The following MYO1E variants were observed in gnomAD, a reference collection of about 807,000 sequenced individuals.
MYO1E encodes myosin IE.
Under a neutral mutation model 151.1 loss-of-function variants are expected in MYO1E, and 68 were observed. The ratio of observed to expected loss-of-function variants is 0.45; its 90% CI spans 0.37 to 0.55. MYO1E has a LOEUF of 0.55. MYO1E is among the 20% of genes least tolerant of loss of function. MYO1E has a pLI of 0.00. For synonymous variants in MYO1E, 601 were observed against 501.7 expected (o/e 1.20, Z -2.64); for missense variants, 1,363 against 1,389.3 (o/e 0.98, Z 0.30).
intron 1 of MYO1E, among the ~76,000 whole-genome samples, chr15:59,298,161 G>A (rs1313380560): frequency 3.3e-5 from 5 of 152,224 alleles, no homozygotes; most frequent in South Asian, 2.1e-4. Flanking sequence ...GATACTTTGC[G>A]ACTATGTAAA....
At chr15:59,244,658 G>T (rs1485935563) in intron 4 of MYO1E, among the ~76,000 whole-genome samples, 1 of 152,174 alleles carries the variant, frequency 6.6e-6, no homozygotes, top group Non-Finnish European at 1.5e-5. Context: ...TGTATCGGAG[G>T]CGGGCAGCTC....
chr15:59,370,163 C>A (rs1474399243), intron 1 of MYO1E, among the ~76,000 whole-genome samples: 6 of 152,190 alleles, frequency 3.9e-5, no homozygotes, highest in Non-Finnish European at 8.8e-5. Context: ...CAGCCACACC[C>A]AAAGAAGGTA....
At chr15:59,165,807 G>T (rs1175340666) in intron 22 of MYO1E, among the ~76,000 whole-genome samples, 1 of 152,244 alleles carries the variant, frequency 6.6e-6, no homozygotes, top group Non-Finnish European at 1.5e-5. Context: ...TAGGTAGAGT[G>T]CATGCAAAAG....
intron 10 of MYO1E, 73 bp from the exon 11 acceptor site, chr15:59,214,793 G>C: frequency 8.4e-7 from 1 of 1,190,940 alleles, no homozygotes; most frequent in South Asian, 1.2e-5. Context: ...CTGGGGAAAG[G>C]GAAGCTGGAT....
intron 22 of MYO1E, among the ~76,000 whole-genome samples, chr15:59,167,598 T>C (rs1162721759): frequency 2.0e-5 from 3 of 152,190 alleles, no homozygotes; most frequent in African/African-American, 4.8e-5. Flanking sequence ...AACTCTGTAT[T>C]GGTGTGTCAC....
intron 22 of MYO1E, chr15:59,171,186 T>C (rs1426311592): frequency 6.4e-6 from 1 of 156,218 alleles, no homozygotes; most frequent in Non-Finnish European, 1.5e-5. Flanking sequence ...GGAGGACTCC[T>C]AGTCTGGGAG....
At chr15:59,155,008 T>G (rs755377364) in intron 25 of MYO1E, among the ~76,000 whole-genome samples, 37 of 152,294 alleles carry the variant, frequency 2.4e-4, no homozygotes, top group Non-Finnish European at 4.6e-4. Flanking sequence ...TCATCTTACC[T>G]CATTCCCTCA....
intron 1 of MYO1E, among the ~76,000 whole-genome samples, chr15:59,334,885 C>T (rs2080719167): frequency 6.6e-6 from 1 of 152,150 alleles, no homozygotes; most frequent in South Asian, 2.1e-4. Flanking sequence ...CATTTTGCTC[C>T]ATCCACTTAG....
intron 1 of MYO1E, among the ~76,000 whole-genome samples, chr15:59,364,669 G>A (rs895088689): frequency 6.6e-6 from 1 of 152,174 alleles, no homozygotes; most frequent in Admixed American, 6.5e-5. Flanking sequence ...AGCACTTTGG[G>A]AGGTCAAGGT....
At chr15:59,142,164 C>T (rs1350900569) in intron 26 of MYO1E, among the ~76,000 whole-genome samples, 1 of 152,072 alleles carries the variant, frequency 6.6e-6, no homozygotes, top group Non-Finnish European at 1.5e-5. Context: ...GGCATCTATC[C>T]ATATTTTTTC....
chr15:59,158,138 G>A, intron 25 of MYO1E, 149 bp downstream of exon 25: 1 of 738,852 alleles, frequency 1.4e-6, no homozygotes, highest in Non-Finnish European at 2.4e-6. Flanking sequence ...TCTCAAGTAG[G>A]GCTGCTGTGT....
chr15:59,335,096 C>T (rs969065106), intron 1 of MYO1E, among the ~76,000 whole-genome samples: 1 of 152,114 alleles, frequency 6.6e-6, no homozygotes, highest in African/African-American at 2.4e-5. Context: ...TGGGTCAAAC[C>T]GTGAAAGAGA....
chr15:59,352,800 G>T (rs183071116), intron 1 of MYO1E, among the ~76,000 whole-genome samples: 3 of 152,232 alleles, frequency 2.0e-5, no homozygotes, highest in Admixed American at 2.0e-4. Flanking sequence ...AGGCTCTAAG[G>T]TCTGCAGAAG....
chr15:59,224,373 C>G (rs1270888129), intron 8 of MYO1E, among the ~76,000 whole-genome samples: 3 of 152,178 alleles, frequency 2.0e-5, no homozygotes, highest in Admixed American at 6.5e-5. Context: ...GGAAATAGCT[C>G]ACGAATAGAG....
chr15:59,318,046 A>G (rs950232572), intron 1 of MYO1E, among the ~76,000 whole-genome samples: 3 of 152,210 alleles, frequency 2.0e-5, no homozygotes, highest in South Asian at 2.1e-4. Flanking sequence ...AGATCTGCCT[A>G]AACAGTAAAT....
rs1219992234 is a variant in MYO1E at position 59,372,488 on chromosome 15, G to C, written c.3+10C>G. The C allele has an allele frequency of 4.5e-6, 7 of 1,538,914 alleles. No individual in the cohort carries two copies. The highest frequency in any genetic ancestry group is 6.1e-6 in the Non-Finnish European group (7 of 1,145,078). On this transcript the variant is annotated intron_variant, in intron 1 of 27. Coordinates refer to ENST00000288235, the MANE Select transcript of MYO1E (RefSeq NM_004998.4). Reference sequence around the variant, plus strand: ...GTCCGGCGTCCTAGGACGCGGCGCGGCCAACTCACCATGGTGACTCGCGCC... The same window carrying C: ...GTCCGGCGTCCTAGGACGCGGCGCGCCCAACTCACCATGGTGACTCGCGCC...
intron 4 of MYO1E, among the ~76,000 whole-genome samples, chr15:59,239,540 A>C (rs1596380380): frequency 6.6e-6 from 1 of 152,222 alleles, no homozygotes; most frequent in South Asian, 2.1e-4. Context: ...TAATCCCAGT[A>C]ATCCTCCCAC....
intron 1 of MYO1E, among the ~76,000 whole-genome samples, chr15:59,295,167 A>T (rs750492180): frequency 1.3e-5 from 2 of 152,098 alleles, no homozygotes; most frequent in Non-Finnish European, 2.9e-5. Context: ...AAAATCACTA[A>T]AAGTTGAGTC....
At chr15:59,282,880 A>G (rs1316174036) in intron 1 of MYO1E, among the ~76,000 whole-genome samples, 2 of 9,112 alleles carry the variant, frequency 2.2e-4, no homozygotes, top group African/African-American at 3.7e-4. Flanking sequence ...GGAGTGGGAG[A>G]GGGAGGGGAG....
Sources: allele counts gnomAD v4.1 joint callset (sites outside exome capture counted in the v4.1 genomes callset), GRCh38; gene constraint gnomAD v4.1.1; transcripts MANE v1.5; gene names NCBI Gene and HGNC (gene_info 2026-07-23, HGNC 2026-07-21).